The following ACOXL variants were observed in gnomAD, a reference collection of about 807,000 sequenced individuals.
ACOXL encodes acyl-CoA oxidase like, also known as acyl-coenzyme A oxidase-like protein.
ACOXL carries 70 observed loss-of-function variants against 71.9 expected under a neutral mutation model. That is an observed-to-expected ratio of 0.97 (90% CI 0.80 to 1.19). The LOEUF (loss-of-function observed/expected upper bound fraction) is 1.19. Among genes scored for constraint, ACOXL ranks in the 50% most tolerant of loss-of-function variants. ACOXL has a pLI of 0.00. For synonymous variants in ACOXL, 253 were observed against 281.6 expected (o/e 0.90, Z 1.02); for missense variants, 703 against 736.3 (o/e 0.95, Z 0.52).
chr2:111,015,185 C>A (rs537089841), intron 14 of ACOXL, among the ~76,000 whole-genome samples: 80 of 152,196 alleles, frequency 5.3e-4, no homozygotes, highest in African/African-American at 1.9e-3. Flanking sequence ...AAAGACAAAC[C>A]ATAGCCTTGG....
At chr2:110,772,489 G>T (rs1352623581) in intron 2 of ACOXL, among the ~76,000 whole-genome samples, 1 of 152,096 alleles carries the variant, frequency 6.6e-6, no homozygotes, top group African/African-American at 2.4e-5. Context: ...TAGGGAAACC[G>T]CATCTCAACA....
At chr2:110,894,479 A>C (rs1258612435) in intron 10 of ACOXL, among the ~76,000 whole-genome samples, 1 of 152,124 alleles carries the variant, frequency 6.6e-6, no homozygotes, top group African/African-American at 2.4e-5. Flanking sequence ...CATCCATGCC[A>C]ACAAAAGCTG....
chr2:110,990,525 T>G (rs1261403184), intron 13 of ACOXL, among the ~76,000 whole-genome samples: 1 of 152,174 alleles, frequency 6.6e-6, no homozygotes, highest in East Asian at 1.9e-4. Flanking sequence ...CAGCAAGAGC[T>G]AGGACCACCA....
intron 10 of ACOXL, among the ~76,000 whole-genome samples, chr2:110,885,705 C>T (rs575458023): frequency 6.6e-6 from 1 of 152,162 alleles, no homozygotes; most frequent in African/African-American, 2.4e-5. Flanking sequence ...GAAGCGATGT[C>T]CTTTTTATAC....
chr2:110,856,625 T>C (rs1289192068), intron 10 of ACOXL, among the ~76,000 whole-genome samples: 1 of 152,262 alleles, frequency 6.6e-6, no homozygotes, highest in Non-Finnish European at 1.5e-5. Flanking sequence ...GTGCTAGTTT[T>C]GCTGTCACAC....
intron 14 of ACOXL, among the ~76,000 whole-genome samples, chr2:111,020,668 A>G (rs1228622086): frequency 1.3e-5 from 2 of 152,078 alleles, no homozygotes; most frequent in African/African-American, 4.8e-5. Context: ...GAAAGATGAT[A>G]TTTTTGCTGC....
chr2:110,825,254 T>C (rs1689035705), intron 9 of ACOXL, among the ~76,000 whole-genome samples: 1 of 152,202 alleles, frequency 6.6e-6, no homozygotes, highest in Non-Finnish European at 1.5e-5. Flanking sequence ...AACAGATTTT[T>C]TCACAGAGTT....
intron 12 of ACOXL, among the ~76,000 whole-genome samples, chr2:110,985,924 A>G (rs1203548938): frequency 6.6e-6 from 1 of 152,216 alleles, no homozygotes; most frequent in Non-Finnish European, 1.5e-5. Flanking sequence ...GAAAGTTTTC[A>G]GCATCCCTCT....
intron 9 of ACOXL, among the ~76,000 whole-genome samples, chr2:110,835,137 C>T (rs1001852823): frequency 6.6e-5 from 10 of 152,226 alleles, no homozygotes; most frequent in Middle Eastern, 3.2e-3. Context: ...TCTTTTACAT[C>T]AGCTTTTGAA....
chr2:111,075,935 C>T (rs1227065320), intron 16 of ACOXL, among the ~76,000 whole-genome samples: 1 of 151,536 alleles, frequency 6.6e-6, no homozygotes, highest in African/African-American at 2.4e-5. Flanking sequence ...AGAGAAGATA[C>T]CATGTCTAAT....
intron 10 of ACOXL, among the ~76,000 whole-genome samples, chr2:110,876,329 G>A (rs1180278431): frequency 6.6e-6 from 1 of 152,314 alleles, no homozygotes; most frequent in Admixed American, 6.5e-5. Flanking sequence ...GCCAGGGAGG[G>A]TTCTGGGCTG....
At chr2:111,097,681 A>C (rs6759108) in intron 17 of ACOXL, among the ~76,000 whole-genome samples, 133,248 of 152,228 alleles carry the variant, frequency 0.88, 58,460 homozygotes, top group African/African-American at 0.93. Context: ...CACAGGAAGG[A>C]GCCAACTGAG....
chr2:110,828,281 A>C (rs892367399), intron 9 of ACOXL, among the ~76,000 whole-genome samples: 1 of 152,106 alleles, frequency 6.6e-6, no homozygotes, highest in African/African-American at 2.4e-5. Context: ...CTATTTTCCT[A>C]TTGTTAGTAG....
intron 13 of ACOXL, among the ~76,000 whole-genome samples, chr2:110,994,930 T>C (rs2063324344): frequency 6.6e-6 from 1 of 152,142 alleles, no homozygotes; most frequent in East Asian, 1.9e-4. Context: ...TACCAAATCT[T>C]GCTAAGCCTC....
In ACOXL at chr2:110,801,692, G is replaced by C; in HGVS notation, c.588G>C (p.Lys196Asn). ...GVDNGILIFDKVRIPRENLLD... is the reference protein window; with the variant it reads ...GVDNGILIFDNVRIPRENLLD... Reference sequence around the variant, plus strand: ...ACAATGGGATATTAATATTTGACAAGGTTCGGATACCCAGGGAGAACCTGC... The same window carrying C: ...ACAATGGGATATTAATATTTGACAACGTTCGGATACCCAGGGAGAACCTGC... Residue 196 changes from lysine to asparagine, a missense_variant, in exon 8 of 18, where the codon AAG (lysine) becomes AAC (asparagine). Lys to Asn is a moderately conservative substitution (Grantham distance 94). Coordinates refer to ENST00000439055, the MANE Select transcript of ACOXL (RefSeq NM_001142807.4). 6.2e-7 allele frequency: 1 copy of C among 1,614,156 alleles called. No individual in the cohort carries two copies. Among genetic ancestry groups the C allele is most frequent in the Non-Finnish European group, 8.5e-7 (1 of 1,180,012 alleles).
Position 111,030,495 on chromosome 2 carries a change from G to A in ACOXL, c.1282-1132G>A, listed in dbSNP as rs940673273. ...AACTGTGCCTGCGGCCCCAGGTGAT[G>A]TTGCTAAATTATACATGGGTAGAGG... On this transcript the variant is annotated intron_variant, in intron 14 of 17. Coordinates refer to ENST00000439055, the MANE Select transcript of ACOXL (RefSeq NM_001142807.4). 5.9e-5 allele frequency among the ~76,000 whole-genome samples: 9 copies of A among 152,208 alleles called. No homozygotes were observed. The East Asian group carries it at 1.7e-3, about 29-fold the overall frequency.
At chr2:110,905,924 A>G (rs1232791099) in intron 10 of ACOXL, among the ~76,000 whole-genome samples, 2 of 152,160 alleles carry the variant, frequency 1.3e-5, no homozygotes, top group Non-Finnish European at 2.9e-5. Context: ...GGCCTGCCAC[A>G]TGGAGCCTTG....
At chr2:111,041,164 G>A (rs1031373394) in intron 15 of ACOXL, among the ~76,000 whole-genome samples, 13 of 152,262 alleles carry the variant, frequency 8.5e-5, no homozygotes, top group African/African-American at 1.4e-4. Flanking sequence ...GACGTGTGGC[G>A]CATGCATGAC....
intron 1 of ACOXL, among the ~76,000 whole-genome samples, chr2:110,765,668 T>C (rs1680957267): frequency 6.6e-6 from 1 of 152,232 alleles, no homozygotes; most frequent in African/African-American, 2.4e-5. Flanking sequence ...GGTTCATAGA[T>C]GGTGCCTTCT....
Sources: gnomAD v4.1 joint callset for allele counts (sites outside exome capture counted in the v4.1 genomes callset) on GRCh38, gnomAD v4.1.1 for gene constraint, MANE v1.5 for transcripts, NCBI Gene and HGNC (gene_info 2026-07-23, HGNC 2026-07-21) for gene names.